Variants in POLR3G observed in about 807,000 individuals in gnomAD.
The protein encoded by POLR3G is RNA polymerase III subunit G, also known as DNA-directed RNA polymerase III subunit RPC7.
Under a neutral mutation model 30.1 loss-of-function variants are expected in POLR3G, and 28 were observed. That is an observed-to-expected ratio of 0.93 (90% confidence interval 0.69 to 1.27). POLR3G has a LOEUF of 1.27. Ranked by LOEUF, POLR3G falls within the 50% of genes most tolerant of loss-of-function variation. The pLI is 0.00. For missense variants in POLR3G, 254 were observed against 264.6 expected (o/e 0.96, Z 0.28); for synonymous variants, 79 against 82.5 (o/e 0.96, Z 0.23).
intron 1 of POLR3G, among the ~76,000 whole-genome samples, chr5:90,477,872 G>A (rs187480246): frequency 1.2e-3 from 179 of 152,314 alleles, no homozygotes; most frequent in Non-Finnish European, 1.0e-3. Flanking sequence ...ATTTGTGGGG[G>A]TTTAAATACC....
rs186928014 is a variant in POLR3G at position 90,509,055 on chromosome 5, A to C, written c.585+2381A>C. Among the ~76,000 whole-genome samples the C allele has an allele frequency of 2.0e-4, 31 of 152,306 alleles. No individual in the cohort carries two copies. The East Asian group carries it at 5.2e-3, about 26-fold the overall frequency. On this transcript the variant is annotated intron_variant, in intron 7 of 7. Coordinates refer to ENST00000651687, the MANE Select transcript of POLR3G (RefSeq NM_006467.3). The stretch of plus-strand genomic sequence containing the variant: ...CAGCCTGGGCAACATATATATATTT[A>C]TGATTTCCTTTATTTAAATTCAACA...
chr5:90,475,489 ATTTAT>A (rs140354982), intron 1 of POLR3G, among the ~76,000 whole-genome samples: 18,350 of 54,330 alleles, frequency 0.34, 1,447 homozygotes, highest in East Asian at 0.49. Flanking sequence ...TTTTATTATT[ATTTAT>A]TTATTTATTT....
chr5:90,478,506 C>T (rs1169947580), intron 1 of POLR3G, among the ~76,000 whole-genome samples: 1 of 146,932 alleles, frequency 6.8e-6, no homozygotes, highest in Non-Finnish European at 1.5e-5. Context: ...TTTAGGTAAT[C>T]AAGTAACCGC....
intron 1 of POLR3G, among the ~76,000 whole-genome samples, chr5:90,477,609 AAT>A (rs1191334793): frequency 6.6e-6 from 1 of 152,176 alleles, no homozygotes; most frequent in Non-Finnish European, 1.5e-5. Context: ...CATCAGGAAT[AAT>A]ACCGTGACTT....
At chr5:90,474,126 T>A, upstream of POLR3G, 1 of 1,583,454 alleles carries the variant, frequency 6.3e-7, no homozygotes, top group Non-Finnish European at 8.6e-7. Context: ...GGAGTACAGG[T>A]ACTCCGGGAG....
chr5:90,501,871 G>A (rs1752259886), intron 5 of POLR3G, 35 bp from the exon 6 acceptor site: 1 of 1,606,796 alleles, frequency 6.2e-7, no homozygotes, highest in Non-Finnish European at 8.5e-7. Context: ...AGTTGCAGTT[G>A]CAGAAAAATG....
chr5:90,511,321 T>C (rs998598016), intron 7 of POLR3G, among the ~76,000 whole-genome samples: 4 of 138,694 alleles, frequency 2.9e-5, no homozygotes, highest in East Asian at 4.0e-4. Context: ...TGAATTTTCT[T>C]GGTTGTCTCA....
chr5:90,485,232 T>A (rs1305301425), intron 1 of POLR3G, among the ~76,000 whole-genome samples: 3 of 152,206 alleles, frequency 2.0e-5, no homozygotes, highest in Non-Finnish European at 4.4e-5. Flanking sequence ...ACTTTTTATG[T>A]ACATTACATC....
At chr5:90,475,486 ATTAT>A (rs535364801) in intron 1 of POLR3G, among the ~76,000 whole-genome samples, 1 of 144,322 alleles carries the variant, frequency 6.9e-6, no homozygotes, top group Non-Finnish European at 1.5e-5. Flanking sequence ...TAATTTTATT[ATTAT>A]TTATTTATTT....
chr5:90,478,569 CTTTTTTT>C lies in POLR3G; in HGVS notation c.-44+3560_-44+3566del, dbSNP rs773881344. ...AATGGGAGGTTTAATCTGCGTGGTT[CTTTTTTT>C]TTTTTTTTTTGAGAGGGAGCCTCAC... On this transcript the variant is annotated intron_variant, in intron 1 of 7. Transcript: ENST00000651687. Among the ~76,000 whole-genome samples the C allele has an allele frequency of 6.3e-5, 5 of 79,334 alleles. No individual in the cohort carries two copies. The South Asian group carries it at 1.8e-3, about 28-fold the overall frequency. 52.0% of individuals were successfully genotyped at this position (79,334 alleles called of 152,430 possible). A position where few individuals can be genotyped will look rare whatever the true frequency, so the allele number is the denominator to read the frequency against.
chr5:90,485,117 C>G (rs1751369336), intron 1 of POLR3G, among the ~76,000 whole-genome samples: 1 of 152,168 alleles, frequency 6.6e-6, no homozygotes, highest in Non-Finnish European at 1.5e-5. Flanking sequence ...CACTCACATG[C>G]TAAGATAAAT....
At chr5:90,505,443 G>GA in intron 6 of POLR3G, among the ~76,000 whole-genome samples, 1 of 152,160 alleles carries the variant, frequency 6.6e-6, no homozygotes, top group Admixed American at 6.5e-5. Flanking sequence ...TTTATTAAAT[G>GA]AAAAAAATTG....
chr5:90,505,076 C>T lies in POLR3G; in HGVS notation c.439-1452C>T, dbSNP rs1357454869. ...TAGTCTCTCTGTTGTCTTTGATTTC[C>T]TTAAATTCAAATTTGAATTTAATTA... On this transcript the variant is annotated intron_variant, in intron 6 of 7. Coordinates refer to ENST00000651687, the MANE Select transcript of POLR3G (RefSeq NM_006467.3). 4.6e-5 allele frequency among the ~76,000 whole-genome samples: 7 copies of T among 152,198 alleles called. No homozygotes were observed. In the East Asian group the frequency reaches 9.7e-4, roughly 21 times the overall value.
chr5:90,477,887 AG>A (rs1485632704), intron 1 of POLR3G, among the ~76,000 whole-genome samples: 3 of 152,236 alleles, frequency 2.0e-5, no homozygotes, highest in African/African-American at 7.2e-5. Flanking sequence ...AATACCCTCT[AG>A]GGGTTTCCAT....
intron 3 of POLR3G, among the ~76,000 whole-genome samples, chr5:90,492,944 A>T (rs1424905994): frequency 6.6e-6 from 1 of 152,210 alleles, no homozygotes; most frequent in Non-Finnish European, 1.5e-5. Context: ...GAAGAATTGG[A>T]AGTAGTGATA....
chr5:90,478,569 C>CCTTTTTTTTTTTTTT (rs1750956678), intron 1 of POLR3G, among the ~76,000 whole-genome samples: 1 of 79,334 alleles, frequency 1.3e-5, no homozygotes, highest in Non-Finnish European at 2.3e-5. Context: ...CTGCGTGGTT[C>CCTTTTTTTTTTTTTT]TTTTTTTTTT....
rs542234433 is a variant in POLR3G, at chr5:90,496,076, A to G, written c.304+343A>G. On this transcript the variant is annotated intron_variant, in intron 4 of 7. Coordinates refer to ENST00000651687, the MANE Select transcript of POLR3G (RefSeq NM_006467.3). ...AAGCTCCACCTCCAGGGATCATGCCATTCTCCTGCCTCAGCCTCCCGAGTA... is the reference window on the plus strand; with the variant it reads ...AAGCTCCACCTCCAGGGATCATGCCGTTCTCCTGCCTCAGCCTCCCGAGTA... Among the ~76,000 whole-genome samples, 8 of 152,008 alleles carry G rather than the reference A, an allele frequency of 5.3e-5. No homozygotes were observed. In the East Asian group the frequency reaches 1.5e-3, roughly 29 times the overall value.
chr5:90,477,973 C>G (rs903683601), intron 1 of POLR3G, among the ~76,000 whole-genome samples: 30 of 152,306 alleles, frequency 2.0e-4, no homozygotes, highest in African/African-American at 7.2e-4. Context: ...TTGGCATATG[C>G]CCTATGGAGA....
At position 90,508,062 on chromosome 5, in the gene POLR3G, GC is replaced by G. The variant is rs527848476; in HGVS notation, c.585+1389del. ...TTCCCTTTCAAATCTGACCTATTGA[GC>G]ATTTCTTGGGAATCACAGAAATTGA... On this transcript the variant is annotated intron_variant, in intron 7 of 7. Coordinates refer to ENST00000651687, the MANE Select transcript of POLR3G (RefSeq NM_006467.3). Among the ~76,000 whole-genome samples, 23 of 152,152 alleles carry G rather than the reference GC, an allele frequency of 1.5e-4. No homozygotes were observed. The East Asian group carries it at 3.9e-3, about 26-fold the overall frequency.
Sources: gnomAD v4.1 joint callset for allele counts (sites outside exome capture counted in the v4.1 genomes callset) on GRCh38, gnomAD v4.1.1 for gene constraint, MANE v1.5 for transcripts, NCBI Gene and HGNC (gene_info 2026-07-23, HGNC 2026-07-21) for gene names.